The following EYS variants were observed in gnomAD, a reference collection of about 807,000 sequenced individuals.
EYS encodes protein eyes shut homolog.
Under a neutral mutation model 282.1 loss-of-function variants are expected in EYS, and 250 were observed. That is an observed-to-expected ratio of 0.89 (90% CI 0.80 to 0.98). The LOEUF is 0.98. Among genes scored for constraint, EYS ranks in the 50% least tolerant of loss-of-function variants. The pLI, the probability that EYS is intolerant of heterozygous loss-of-function variation, is 0.00. For missense variants in EYS, 4,016 were observed against 3,709.0 expected (o/e 1.08, Z -2.15); for synonymous variants, 1,355 against 1,282.9 (o/e 1.06, Z -1.20).
At chr6:65,633,485 G>C (rs1467825533) in intron 2 of EYS, among the ~76,000 whole-genome samples, 1 of 152,138 alleles carries the variant, frequency 6.6e-6, no homozygotes, top group Non-Finnish European at 1.5e-5. Flanking sequence ...AATCTGTAGA[G>C]GTAGGCGAAG....
chr6:64,664,017 C>G (rs557476221), intron 22 of EYS, among the ~76,000 whole-genome samples: 11 of 152,316 alleles, frequency 7.2e-5, no homozygotes, highest in African/African-American at 1.2e-4. Context: ...GGATTAGAAG[C>G]GCAGCAGACA....
chr6:65,402,188 A>G (rs1382792205), intron 7 of EYS, among the ~76,000 whole-genome samples: 1 of 151,796 alleles, frequency 6.6e-6, no homozygotes, highest in African/African-American at 2.4e-5. Flanking sequence ...CTAGATCTTC[A>G]ATTATTATTT....
At chr6:65,407,911 T>C (rs994612428) in intron 5 of EYS, among the ~76,000 whole-genome samples, 3 of 152,052 alleles carry the variant, frequency 2.0e-5, no homozygotes, top group African/African-American at 4.8e-5. Flanking sequence ...TTTAATGTGG[T>C]GTTCCCTGGA....
intron 40 of EYS, among the ~76,000 whole-genome samples, chr6:63,771,900 C>A (rs1428254480): frequency 6.6e-6 from 1 of 152,166 alleles, no homozygotes; most frequent in East Asian, 1.9e-4. Flanking sequence ...GTGGGAGTCT[C>A]TTTAAGTAGG....
At chr6:63,812,660 G>A (rs1237483713) in intron 36 of EYS, among the ~76,000 whole-genome samples, 1 of 151,902 alleles carries the variant, frequency 6.6e-6, no homozygotes, top group Admixed American at 6.6e-5. Flanking sequence ...TAAGGACATA[G>A]TAATATATAT....
At chr6:64,782,571 C>T (rs923003204) in intron 22 of EYS, among the ~76,000 whole-genome samples, 1 of 152,110 alleles carries the variant, frequency 6.6e-6, no homozygotes, top group African/African-American at 2.4e-5. Context: ...TAAGTGCATT[C>T]CACATTAAAA....
At chr6:64,426,661 G>A (rs766140152) in intron 28 of EYS, among the ~76,000 whole-genome samples, 16 of 151,802 alleles carry the variant, frequency 1.1e-4, no homozygotes, top group African/African-American at 1.7e-4. Context: ...GGAGTCTAGC[G>A]GTTGGCAGAG....
At chr6:65,689,727 A>G (rs760961978) in intron 1 of EYS, among the ~76,000 whole-genome samples, 5 of 149,722 alleles carry the variant, frequency 3.3e-5, no homozygotes, top group African/African-American at 4.9e-5. Flanking sequence ...TCTGGGATAC[A>G]TGTGCAGAAT....
chr6:65,016,745 G>A (rs1040706550), intron 13 of EYS, among the ~76,000 whole-genome samples: 1 of 151,998 alleles, frequency 6.6e-6, no homozygotes, highest in African/African-American at 2.4e-5. Flanking sequence ...ACATATAGCA[G>A]GAAAACAGTT....
chr6:65,183,778 A>T (rs1765450453), intron 12 of EYS, among the ~76,000 whole-genome samples: 1 of 151,882 alleles, frequency 6.6e-6, no homozygotes, highest in Non-Finnish European at 1.5e-5. Flanking sequence ...AAAAAATAGG[A>T]AGATTAGGAT....
chr6:63,845,796 A>C (rs1772083192), intron 36 of EYS, among the ~76,000 whole-genome samples: 1 of 152,204 alleles, frequency 6.6e-6, no homozygotes, highest in Admixed American at 6.5e-5. Flanking sequence ...TAGTTTGAAT[A>C]ACCAAAAGAG....
rs1035107962 is a variant in EYS at position 65,490,847 on chromosome 6, A to G, written c.749-140T>C. On this transcript the variant is annotated intron_variant, in intron 4 of 42. Transcript: ENST00000503581. ...ATGAAACCATGTTATACGATGATGCATTTAAATTGAAATAAAAATTAATTT... is the reference window on the plus strand; with the variant it reads ...ATGAAACCATGTTATACGATGATGCGTTTAAATTGAAATAAAAATTAATTT... 8 of 619,022 alleles carry G rather than the reference A, an allele frequency of 1.3e-5. No homozygotes were observed. In the African/African-American group the frequency reaches 1.5e-4, roughly 11 times the overall value. The allele number at this position is 619,022 out of a possible 1,614,324, so 38.3% of individuals were successfully genotyped here.
chr6:64,531,467 A>G (rs1242191494), intron 26 of EYS, among the ~76,000 whole-genome samples: 2 of 151,152 alleles, frequency 1.3e-5, no homozygotes, highest in African/African-American at 4.8e-5. Flanking sequence ...GCTCACTGCA[A>G]GCTCCGCCTC....
chr6:64,197,810 CTTTATT>C (rs970210838), intron 31 of EYS, among the ~76,000 whole-genome samples: 11 of 150,622 alleles, frequency 7.3e-5, no homozygotes, highest in African/African-American at 2.7e-4. Flanking sequence ...TTCTTTACAC[CTTTATT>C]TTTAACTTTT....
intron 12 of EYS, among the ~76,000 whole-genome samples, chr6:65,098,316 A>G (rs1201167749): frequency 6.6e-6 from 1 of 150,552 alleles, no homozygotes; most frequent in African/African-American, 2.4e-5. Context: ...TGGAGATGTC[A>G]CTCCTATAGC....
chr6:64,500,562 T>C (rs1417719173), intron 26 of EYS, among the ~76,000 whole-genome samples: 1 of 152,132 alleles, frequency 6.6e-6, no homozygotes, highest in Non-Finnish European at 1.5e-5. Flanking sequence ...TTTTTTTGTG[T>C]CAATTAAATA....
At chr6:64,592,348 G>A (rs78403489) in intron 25 of EYS, among the ~76,000 whole-genome samples, 1 of 152,122 alleles carries the variant, frequency 6.6e-6, no homozygotes, top group Non-Finnish European at 1.5e-5. Flanking sequence ...CATCGGGTTA[G>A]AAATGTTAGA....
At chr6:65,214,619 T>C (rs1766265914) in intron 12 of EYS, among the ~76,000 whole-genome samples, 1 of 152,228 alleles carries the variant, frequency 6.6e-6, no homozygotes, top group South Asian at 2.1e-4. Context: ...AGATCACTGC[T>C]GAGGGTAACT....
intron 14 of EYS, among the ~76,000 whole-genome samples, chr6:64,948,346 T>A (rs1769364318): frequency 6.6e-6 from 1 of 150,936 alleles, no homozygotes; most frequent in Non-Finnish European, 1.5e-5. Flanking sequence ...CAGTTTCTCA[T>A]TCAACATTGA....
Sources: allele counts gnomAD v4.1 joint callset (sites outside exome capture counted in the v4.1 genomes callset), GRCh38; gene constraint gnomAD v4.1.1; transcripts MANE v1.5; gene names NCBI Gene and HGNC (gene_info 2026-07-23, HGNC 2026-07-21).